GABRD: variants seen among roughly 807,000 people sequenced by gnomAD.
GABRD encodes the protein gamma-aminobutyric acid type A receptor subunit delta, also known as gamma-aminobutyric acid receptor subunit delta.
A neutral mutation model predicts 47.3 loss-of-function variants in GABRD; 25 were observed. The observed-to-expected ratio is 0.53, with a 90% CI of 0.39 to 0.74. The LOEUF is 0.74. Ranked by LOEUF, GABRD falls within the 30% of genes least tolerant of loss-of-function variation. The pLI is 0.00. For missense variants in GABRD, 497 were observed against 643.4 expected (o/e 0.77, Z 2.46); for synonymous variants, 314 against 278.8 (o/e 1.13, Z -1.26).
chr1:2,019,484 G>GGTGA lies in GABRD; in HGVS notation c.62_63insTGAG (p.Thr22GlufsTer7). 2 of 1,110,518 alleles carry GGTGA rather than the reference G, an allele frequency of 1.8e-6. No homozygotes were observed. The highest frequency in any genetic ancestry group is 3.9e-4 in the Middle Eastern group (1 of 2,568). The allele number at this position is 1,110,518 out of a possible 1,614,324, so 68.8% of individuals were successfully genotyped here. A position where few individuals can be genotyped will look rare whatever the true frequency, so the allele number is the denominator to read the frequency against. On this transcript the variant is annotated frameshift_variant, in exon 1 of 9. Coordinates refer to ENST00000378585, the MANE Select transcript of GABRD (RefSeq NM_000815.5). LOFTEE classifies it high-confidence loss of function. ...GCTCCTCTGCGCGCAGCAGCTCCGC[G>GGTGA]GCACCAGGTGAGCGGGCGGGGTCCG... is the stretch of plus-strand genomic sequence containing the variant.
chr1:2,019,942 C>A (rs1000024225), intron 1 of GABRD, among the ~76,000 whole-genome samples: 1 of 152,208 alleles, frequency 6.6e-6, no homozygotes. Context: ...CAGTGAGCTT[C>A]CCCAGCCGGA....
In GABRD at chr1:2,029,149, C is replaced by T. The variant is rs150097692; in HGVS notation, c.730C>T (p.Arg244Trp). ...FPRLSLHFHL[R>W]RNRGVYIIQS... ...ACGGCTCAGCCTGCACTTCCACCTG[C>T]GGAGGAACCGCGGCGTGTACATCAT... The change falls in exon 7 of 9, where the codon CGG (arginine) becomes TGG (tryptophan). Residue 244 changes from arginine (R) to tryptophan (W), a missense_variant. Arg to Trp is a moderately radical substitution (Grantham distance 101). Transcript: ENST00000378585. 56 of 1,546,736 alleles carry T rather than the reference C, an allele frequency of 3.6e-5. No homozygotes were observed. The Admixed American group carries it at 5.9e-4, about 16-fold the overall frequency.
In GABRD at chr1:2,027,569, C is replaced by A. The variant is rs748813137; in HGVS notation, c.471-8C>A. The A allele has an allele frequency of 5.7e-5, 92 of 1,612,268 alleles. No homozygotes were observed. Among genetic ancestry groups the A allele is most frequent in the Middle Eastern group, 3.3e-4 (2 of 6,084 alleles). ...CCCAAGGCCTCACTGCCATGCTTGT[C>A]TTGGCAGAATCACCTCCACTGTGGC... On this transcript the variant is annotated splice_region_variant and splice_polypyrimidine_tract_variant and intron_variant, in intron 4 of 8. Coordinates refer to ENST00000378585, the MANE Select transcript of GABRD (RefSeq NM_000815.5).
At position 2,019,472 on chromosome 1, in the gene GABRD, C is replaced by G. The variant is rs1658715179; in HGVS notation, c.49C>G (p.Gln17Glu). 2 of 1,113,440 alleles carry G rather than the reference C, an allele frequency of 1.8e-6. No individual in the cohort carries two copies. The highest frequency in any genetic ancestry group is 3.4e-5 in the African/African-American group (2 of 59,086). 69.0% of individuals were successfully genotyped at this position (1,113,440 alleles called of 1,614,324 possible). ...GGCCCCGCTCCTGCTCCTCTGCGCG[C>G]AGCAGCTCCGCGGCACCAGGTGAGC... ...LLAPLLLLCA[Q>E]QLRGTRAMND... Residue 17 changes from glutamine (Q) to glutamate (E), a missense_variant, in exon 1 of 9, where the codon CAG becomes GAG. This residue lies in a region of GABRD where 91 missense variants were observed against 85.5 expected (regional missense o/e 1.06). Coordinates refer to ENST00000378585, the MANE Select transcript of GABRD (RefSeq NM_000815.5).
chr1:2,019,486 CACCA>C lies in GABRD; in HGVS notation c.64_67del (p.Thr22GlufsTer3). 1 of 1,110,912 alleles carries C rather than the reference CACCA, an allele frequency of 9.0e-7. No individual in the cohort carries two copies. The highest frequency in any genetic ancestry group is 1.1e-6 in the Non-Finnish European group (1 of 912,638). The allele number at this position is 1,110,912 out of a possible 1,614,324, so 68.8% of individuals were successfully genotyped here. A position where few individuals can be genotyped will look rare whatever the true frequency, so the allele number is the denominator to read the frequency against. On this transcript the variant is annotated frameshift_variant and splice_region_variant, in exon 1 of 9. Transcript: ENST00000378585. LOFTEE classifies it high-confidence loss of function. ...TCCTCTGCGCGCAGCAGCTCCGCGG[CACCA>C]GGTGAGCGGGCGGGGTCCGCGCGGC... is the stretch of plus-strand genomic sequence containing the variant.
chr1:2,021,390 G>A (rs1439736149), intron 1 of GABRD, among the ~76,000 whole-genome samples: 1 of 152,006 alleles, frequency 6.6e-6, no homozygotes, highest in African/African-American at 2.4e-5. Context: ...GTCCATGAAG[G>A]GCCTCTCTGT....
Position 2,025,523 on chromosome 1 carries a change from C to T in GABRD, c.255C>T (p.Tyr85=), listed in dbSNP as rs1165539010. The change falls in exon 4 of 9, where the codon TAC becomes TAT. Residue 85 remains tyrosine, a synonymous_variant. Coordinates refer to ENST00000378585, the MANE Select transcript of GABRD (RefSeq NM_000815.5). ...CCCCTGTGCCACCTCCACAGGAGTA[C>T]ACCATGACGGTGTTCCTGCACCAGA... is the stretch of plus-strand genomic sequence containing the variant. ...IDHISEANME[Y]TMTVFLHQSW... is the part of the protein sequence containing the mutation. 2.5e-6 allele frequency: 4 copies of T among 1,612,986 alleles called. No individual in the cohort carries two copies. Among genetic ancestry groups the T allele is most frequent in the East Asian group, 2.2e-5 (1 of 44,886 alleles).
Position 2,028,348 on chromosome 1 carries a change from C to G in GABRD, c.691+56C>G, listed in dbSNP as rs1015306583. The G allele has an allele frequency of 3.3e-6, 5 of 1,506,438 alleles. No individual in the cohort carries two copies. In the African/African-American group the frequency reaches 7.2e-5, roughly 22 times the overall value. The allele number at this position is 1,506,438 out of a possible 1,614,324, so 93.3% of individuals were successfully genotyped here. A position where few individuals can be genotyped will look rare whatever the true frequency, so the allele number is the denominator to read the frequency against. On this transcript the variant is annotated intron_variant, in intron 6 of 8. Coordinates refer to ENST00000378585, the MANE Select transcript of GABRD (RefSeq NM_000815.5). The surrounding 1 kb of genome is among the most constrained non-coding windows in gnomAD (Gnocchi z 6.4). ...TGCCCGCCGCCCCTTCCGCGCGCGC[C>G]CACCGCCCCTTCCGCGCGCGCCCAC...
intron 4 of GABRD, chr1:2,027,242 A>G (rs866289941): frequency 9.8e-6 from 4 of 408,966 alleles, no homozygotes; most frequent in South Asian, 6.6e-5. Context: ...GTGCGTGGCA[A>G]CTCTGGGCCT....
chr1:2,028,934 C>T lies in GABRD; in HGVS notation c.692-177C>T, dbSNP rs1475206351. The T allele has an allele frequency of 8.1e-6, 6 of 738,378 alleles. No homozygotes were observed. The East Asian group carries it at 1.3e-4, about 17-fold the overall frequency. The allele number at this position is 738,378 out of a possible 1,614,324, so 45.7% of individuals were successfully genotyped here. Reference sequence around the variant, plus strand: ...GGACCAGCCTGTCCTGTGGCCAGACCTAGGGCCGGAGGCCCCCTGACATTT... The same window carrying T: ...GGACCAGCCTGTCCTGTGGCCAGACTTAGGGCCGGAGGCCCCCTGACATTT... On this transcript the variant is annotated intron_variant, in intron 6 of 8. Transcript: ENST00000378585. This position sits in a 1 kb window ranked among gnomAD's most constrained non-coding sequence, Gnocchi z 6.4.
chr1:2,029,156 A>G lies in GABRD; in HGVS notation c.737A>G (p.Asn246Ser). 3 of 1,536,008 alleles carry G rather than the reference A, an allele frequency of 2.0e-6. No individual in the cohort carries two copies. The highest frequency in any genetic ancestry group is 2.6e-6 in the Non-Finnish European group (3 of 1,137,260). ...AGCCTGCACTTCCACCTGCGGAGGAACCGCGGCGTGTACATCATCCAATCC... is the reference window on the plus strand; with the variant it reads ...AGCCTGCACTTCCACCTGCGGAGGAGCCGCGGCGTGTACATCATCCAATCC... ...RLSLHFHLRR[N>S]RGVYIIQSYM... Residue 246 changes from asparagine to serine, a missense_variant, in exon 7 of 9, where the codon AAC becomes AGC. Asn to Ser is a conservative substitution (Grantham distance 46, BLOSUM62 1). Transcript: ENST00000378585.
At position 2,029,534 on chromosome 1, in the gene GABRD, C is replaced by T. The variant is rs568302498; in HGVS notation, c.848-17C>T. The T allele has an allele frequency of 1.4e-5, 22 of 1,611,226 alleles. No homozygotes were observed. The highest frequency in any genetic ancestry group is 2.2e-5 in the East Asian group (1 of 44,876). On this transcript the variant is annotated splice_polypyrimidine_tract_variant and intron_variant, in intron 7 of 8. Coordinates refer to ENST00000378585, the MANE Select transcript of GABRD (RefSeq NM_000815.5). ...TGAGGGCAGGGCTACGACAATGGCA[C>T]CACCTGTGCCCGGCAGGCATCACCA...
chr1:2,029,641 A>G lies in GABRD; in HGVS notation c.938A>G (p.Tyr313Cys). The G allele has an allele frequency of 6.2e-7, 1 of 1,613,440 alleles. No individual in the cohort carries two copies. The highest frequency in any genetic ancestry group is 8.5e-7 in the Non-Finnish European group (1 of 1,179,998). Residue 313 changes from tyrosine (Y) to cysteine (C), a missense_variant, in exon 8 of 9, where the codon TAC (tyrosine) becomes TGC (cysteine). Coordinates refer to ENST00000378585, the MANE Select transcript of GABRD (RefSeq NM_000815.5). ...TCAGCCATCAAGGCACTGGACGTCTACTTCTGGATCTGCTATGTCTTCGTG... is the reference window on the plus strand; with the variant it reads ...TCAGCCATCAAGGCACTGGACGTCTGCTTCTGGATCTGCTATGTCTTCGTG... ...RASAIKALDVYFWICYVFVFA... is the reference protein window; with the variant it reads ...RASAIKALDVCFWICYVFVFA...
rs767563484 is a variant in GABRD, at chr1:2,025,342, G to A, written c.190G>A (p.Val64Met). Reference protein sequence around the residue: ...NFRPGIGGPPVNVALALEVAS... With the variant: ...NFRPGIGGPPMNVALALEVAS... ...CTGCTCTTTCCTTGCAGGCCCCCCC[G>A]TGAATGTGGCCCTTGCCCTGGAGGT... Residue 64 changes from valine to methionine, a missense_variant, in exon 3 of 9, where the codon GTG (valine) becomes ATG (methionine). Physicochemically the swap from Val to Met is conservative, Grantham distance 21. Transcript: ENST00000378585. 4.3e-6 allele frequency: 7 copies of A among 1,613,158 alleles called. No individual in the cohort carries two copies. Among genetic ancestry groups the A allele is most frequent in the Admixed American group, 1.7e-5 (1 of 60,032 alleles).
rs906893366 is a variant in GABRD at position 2,030,588 on chromosome 1, G to A, written c.*306G>A. On this transcript the variant is annotated 3_prime_UTR_variant, in exon 9 of 9. Transcript: ENST00000378585. ...CCTTCAGGGAGCCGCGGATTTTTAT[G>A]TTCAGAAAGTGATCCTGGTTTCTAG... 5 of 299,658 alleles carry A rather than the reference G, an allele frequency of 1.7e-5. No homozygotes were observed. Among genetic ancestry groups the A allele is most frequent in the Non-Finnish European group, 3.1e-5 (5 of 162,840 alleles). 18.6% of individuals were successfully genotyped at this position (299,658 alleles called of 1,614,324 possible). A position where few individuals can be genotyped will look rare whatever the true frequency, so the allele number is the denominator to read the frequency against.
rs776741397 is a variant in GABRD, at chr1:2,019,401, C to T, written c.-23C>T. 124 of 1,062,576 alleles carry T rather than the reference C, an allele frequency of 1.2e-4. No individual in the cohort carries two copies. Among genetic ancestry groups the T allele is most frequent in the Non-Finnish European group, 1.3e-4 (116 of 881,698 alleles). The allele number at this position is 1,062,576 out of a possible 1,614,324, so 65.8% of individuals were successfully genotyped here. ...CGCCGGGAGCCAAGTTTGCGCGGAC[C>T]CCGTCCCGAGCCCGCCGCGGCCATG... is the stretch of plus-strand genomic sequence containing the variant. On this transcript the variant is annotated 5_prime_UTR_variant, in exon 1 of 9. Coordinates refer to ENST00000378585, the MANE Select transcript of GABRD (RefSeq NM_000815.5).
chr1:2,028,043 C>T lies in GABRD; in HGVS notation c.554-112C>T. The T allele has an allele frequency of 8.0e-7, 1 of 1,248,402 alleles. No individual in the cohort carries two copies. The highest frequency in any genetic ancestry group is 1.1e-6 in the Non-Finnish European group (1 of 900,660). 77.3% of individuals were successfully genotyped at this position (1,248,402 alleles called of 1,614,324 possible). A position where few individuals can be genotyped will look rare whatever the true frequency, so the allele number is the denominator to read the frequency against. On this transcript the variant is annotated intron_variant, in intron 5 of 8. Coordinates refer to ENST00000378585, the MANE Select transcript of GABRD (RefSeq NM_000815.5). This position sits in a 1 kb window ranked among gnomAD's most constrained non-coding sequence, Gnocchi z 6.4. ...TCCTGGCTGGGGTCCTGCTCGGTCC[C>T]CATCACGATGGCGTCGGCCCCCTGC... is the stretch of plus-strand genomic sequence containing the variant.
intron 7 of GABRD, 110 bp from the exon 8 acceptor site, chr1:2,029,441 G>A: frequency 6.9e-7 from 1 of 1,452,966 alleles, no homozygotes; most frequent in South Asian, 1.2e-5. Flanking sequence ...CCTGGGGTGG[G>A]CATGGGGGTG....
intron 1 of GABRD, among the ~76,000 whole-genome samples, chr1:2,020,007 C>T (rs946804121): frequency 6.6e-6 from 1 of 152,254 alleles, no homozygotes; most frequent in Non-Finnish European, 1.5e-5. Flanking sequence ...GCCCGGCCTC[C>T]GGGGTCTCCT....
Sources: gnomAD v4.1 joint callset for allele counts (sites outside exome capture counted in the v4.1 genomes callset) on GRCh38, gnomAD v4.1.1 for gene constraint, gnomAD v4.1.1 regional missense constraint, Gnocchi (gnomAD v3.1) non-coding constraint, MANE v1.5 for transcripts, NCBI Gene and HGNC (gene_info 2026-07-23, HGNC 2026-07-21) for gene names.